The following HTT variants were observed in gnomAD, a reference collection of about 807,000 sequenced individuals.
The protein encoded by HTT is huntingtin.
A neutral mutation model predicts 362.3 loss-of-function variants in HTT; 104 were observed. The observed-to-expected ratio is 0.29, with a 90% confidence interval of 0.24 to 0.34. The LOEUF is 0.34. Ranked by LOEUF, HTT falls within the 10% of genes least tolerant of loss-of-function variation. The pLI is 1.00. For missense variants in HTT, 3,301 were observed against 3,928.6 expected, an observed-to-expected ratio of 0.84 and a Z score of 4.27; for synonymous variants, 1,577 against 1,548.7, an observed-to-expected ratio of 1.02 and a Z score of -0.43.
chr4:3,166,925 C>T (rs923670119), intron 29 of HTT, among the ~76,000 whole-genome samples: 4 of 152,378 alleles, frequency 2.6e-5, no homozygotes, highest in African/African-American at 9.6e-5. Flanking sequence ...CCTGCTTCGG[C>T]TTGCCCTCCG....
At chr4:3,148,465 A>C (rs1455114854) in intron 26 of HTT, among the ~76,000 whole-genome samples, 7 of 152,194 alleles carry the variant, frequency 4.6e-5, no homozygotes, top group Non-Finnish European at 8.8e-5. Context: ...CAGCCTGGGC[A>C]ACATCACGAA....
rs538137462 is a variant in HTT at position 3,180,804 on chromosome 4, G to A, written c.4749+153G>A. ...TGGGTAGATGCCGGTGCAGGGGGAT[G>A]GGGAGGGAGGCGGGGGGTGGGGGGG... is the stretch of plus-strand genomic sequence containing the variant. On this transcript the variant is annotated intron_variant, in intron 36 of 66. Transcript: ENST00000355072. The A allele has an allele frequency of 2.4e-5, 8 of 330,432 alleles. No homozygotes were observed. The East Asian group carries it at 3.6e-4, about 15-fold the overall frequency. 20.5% of individuals were successfully genotyped at this position (330,432 alleles called of 1,614,324 possible).
chr4:3,148,285 G>A (rs924601021), intron 26 of HTT, 78 bp downstream of exon 26: 16 of 1,057,368 alleles, frequency 1.5e-5, no homozygotes, highest in Middle Eastern at 2.5e-4. Context: ...TTAGTAATCT[G>A]TCCCTTCTTT....
chr4:3,208,770 T>C lies in HTT; in HGVS notation c.6153-3T>C, dbSNP rs1371386563. 6.3e-7 allele frequency: 1 copy of C among 1,590,732 alleles called. No homozygotes were observed. Among genetic ancestry groups the C allele is most frequent in the African/African-American group, 1.4e-5 (1 of 73,238 alleles). On this transcript the variant is annotated splice_polypyrimidine_tract_variant and splice_region_variant and intron_variant, in intron 45 of 66. Coordinates refer to ENST00000355072, the MANE Select transcript of HTT (RefSeq NM_001388492.1). ...TGTAATTTCATTTTTATTTGTATTT[T>C]AGACACCAAAGGCTCTATTCCCTGC...
chr4:3,148,613 C>T (rs1204034329), intron 26 of HTT, among the ~76,000 whole-genome samples: 1 of 152,114 alleles, frequency 6.6e-6, no homozygotes, highest in Non-Finnish European at 1.5e-5. Flanking sequence ...CTGGCTAACA[C>T]AGTGAAACCC....
intron 3 of HTT, among the ~76,000 whole-genome samples, chr4:3,103,062 C>T (rs1714234987): frequency 6.6e-6 from 1 of 151,888 alleles, no homozygotes; most frequent in Non-Finnish European, 1.5e-5. Flanking sequence ...GAGCGAGGGT[C>T]TGTGGTTTAT....
Position 3,191,643 on chromosome 4 carries a change from GA to G in HTT, c.5368+2552del, listed in dbSNP as rs150942728. On this transcript the variant is annotated intron_variant, in intron 40 of 66. Coordinates refer to ENST00000355072, the MANE Select transcript of HTT (RefSeq NM_001388492.1). ...GAGATAGAGGTGGGGAGTGGAAGGG[GA>G]ACTAAAATCTTCACCTAGCATTGTT... 3.1e-3 allele frequency among the ~76,000 whole-genome samples: 473 copies of G among 152,256 alleles called. 3 individuals are homozygous for G. The highest frequency in any genetic ancestry group is 0.011 in the African/African-American group (460 of 41,550).
intron 48 of HTT, among the ~76,000 whole-genome samples, 170 bp from the exon 49 acceptor site, chr4:3,212,394 G>T (rs898600205): frequency 6.6e-6 from 1 of 152,232 alleles, no homozygotes; most frequent in African/African-American, 2.4e-5. Context: ...GACCTCAGGG[G>T]AGATGCAGCC....
At chr4:3,174,686 T>A (rs1303634593) in intron 31 of HTT, 35 bp from the exon 32 acceptor site, 1 of 1,512,468 alleles carries the variant, frequency 6.6e-7, no homozygotes, top group African/African-American at 1.4e-5. Context: ...AAAGATATTC[T>A]CATTCTCTGC....
chr4:3,148,539 T>C (rs1716720022), intron 26 of HTT, among the ~76,000 whole-genome samples: 1 of 152,142 alleles, frequency 6.6e-6, no homozygotes, highest in Admixed American at 6.5e-5. Flanking sequence ...GGCTCAAGCC[T>C]GTAATCCCAG....
chr4:3,208,920 C>T lies in HTT; in HGVS notation c.6291+9C>T, dbSNP rs1361376089. The T allele has an allele frequency of 6.2e-7, 1 of 1,607,752 alleles. No homozygotes were observed. The highest frequency in any genetic ancestry group is 1.7e-4 in the Middle Eastern group (1 of 6,042). ...CAGTGAGTCCGGACAAAGTAAGTGT[C>T]CAGCGTGTCTGCATGGGAGGCACAG... On this transcript the variant is annotated intron_variant, in intron 46 of 66. Transcript: ENST00000355072.
intron 9 of HTT, chr4:3,121,763 G>A (rs1308995897): frequency 1.0e-5 from 2 of 200,338 alleles, no homozygotes; most frequent in Admixed American, 5.4e-5. Flanking sequence ...CTGCTTTGGA[G>A]GCTGAGGTGG....
intron 40 of HTT, among the ~76,000 whole-genome samples, chr4:3,194,711 G>A (rs1210321094): frequency 6.6e-6 from 1 of 152,188 alleles, no homozygotes; most frequent in Non-Finnish European, 1.5e-5. Context: ...CTTCCTCTGT[G>A]GCAGAGGGGA....
chr4:3,095,244 A>T (rs1713789332), intron 2 of HTT, among the ~76,000 whole-genome samples: 1 of 152,230 alleles, frequency 6.6e-6, no homozygotes, highest in Non-Finnish European at 1.5e-5. Context: ...AACACTGAGC[A>T]CTGAGTGAGC....
intron 6 of HTT, among the ~76,000 whole-genome samples, chr4:3,109,378 A>G (rs768313457): frequency 1.8e-4 from 27 of 152,022 alleles, no homozygotes; most frequent in Non-Finnish European, 3.4e-4. Flanking sequence ...GGCATGCATC[A>G]CCACGCTCGG....
intron 14 of HTT, 83 bp from the exon 15 acceptor site, chr4:3,131,203 C>A: frequency 9.3e-7 from 1 of 1,075,352 alleles, no homozygotes; most frequent in Non-Finnish European, 1.4e-6. Context: ...TTAAGTGCTG[C>A]TCTGGAACTA....
At chr4:3,129,653 C>G (rs529747355) in intron 12 of HTT, 31 of 300,384 alleles carry the variant, frequency 1.0e-4, no homozygotes, top group African/African-American at 6.4e-4. Context: ...TGGGTTTTTT[C>G]TTTTTCATAT....
intron 40 of HTT, among the ~76,000 whole-genome samples, chr4:3,191,179 C>CTTTCTTTCT (rs1553918331): frequency 8.3e-6 from 1 of 120,338 alleles, no homozygotes; most frequent in Admixed American, 8.4e-5. Context: ...TTCTTTCTTT[C>CTTTCTTTCT]TTTTTTTTTT....
intron 28 of HTT, among the ~76,000 whole-genome samples, chr4:3,160,007 A>G (rs1485757233): frequency 6.6e-6 from 1 of 152,158 alleles, no homozygotes; most frequent in East Asian, 1.9e-4. Flanking sequence ...TTTTCTCATT[A>G]TGAAAGAAAG....
Sources: allele counts gnomAD v4.1 joint callset (sites outside exome capture counted in the v4.1 genomes callset), GRCh38; gene constraint gnomAD v4.1.1; transcripts MANE v1.5; gene names NCBI Gene and HGNC (gene_info 2026-07-23, HGNC 2026-07-21).